The following LARP1B variants were observed in gnomAD, a reference collection of about 807,000 sequenced individuals.
LARP1B encodes the protein la-related protein 1B.
Under a neutral mutation model 114.2 loss-of-function variants are expected in LARP1B, and 76 were observed. That is an observed-to-expected ratio of 0.67 (90% CI 0.55 to 0.81). The LOEUF (loss-of-function observed/expected upper bound fraction) is 0.81. LARP1B is among the 30% of genes least tolerant of loss of function. LARP1B has a pLI of 0.00. For synonymous variants in LARP1B, 345 were observed against 348.0 expected, an observed-to-expected ratio of 0.99 and a Z score of 0.10; for missense variants, 1,014 against 1,075.8, an observed-to-expected ratio of 0.94 and a Z score of 0.80.
At position 128,156,026 on chromosome 4, in the gene LARP1B, C is replaced by T. The variant is rs991298430; in HGVS notation, c.1525-6168C>T. On this transcript the variant is annotated intron_variant, in intron 11 of 19. Transcript: ENST00000326639. ...TCCCCAGGGCCTGTGCTTGAACCTGCGGCACTGCACACCCCCAAGCTCATG... is the reference window on the plus strand; with the variant it reads ...TCCCCAGGGCCTGTGCTTGAACCTGTGGCACTGCACACCCCCAAGCTCATG... The T allele has an allele frequency of 1.2e-4, 196 of 1,569,448 alleles. No individual in the cohort carries two copies. The Admixed American group carries it at 3.3e-3, about 27-fold the overall frequency.
chr4:128,145,452 A>G (rs1729918340), intron 11 of LARP1B, among the ~76,000 whole-genome samples: 1 of 152,156 alleles, frequency 6.6e-6, no homozygotes, highest in South Asian at 2.1e-4. Context: ...GCTTAACCAC[A>G]TAGCAGTCAC....
chr4:128,085,941 T>C (rs954985005), intron 5 of LARP1B, among the ~76,000 whole-genome samples: 1 of 152,124 alleles, frequency 6.6e-6, no homozygotes, highest in African/African-American at 2.4e-5. Context: ...CTTTTTGCTA[T>C]GTGTTAAGTC....
chr4:128,178,652 A>T lies in LARP1B; in HGVS notation c.1896+10A>T, dbSNP rs1390119056. The T allele has an allele frequency of 6.3e-7, 1 of 1,590,664 alleles. No individual in the cohort carries two copies. The highest frequency in any genetic ancestry group is 1.1e-5 in the South Asian group (1 of 90,284). ...AGCCATTGATGTAAAGGTATACAAA[A>T]CAACCAGGAATATAAGGCTTGCATT... is the stretch of plus-strand genomic sequence containing the variant. On this transcript the variant is annotated intron_variant, in intron 14 of 19. Coordinates refer to ENST00000326639, the MANE Select transcript of LARP1B (RefSeq NM_018078.4).
At chr4:128,064,626 C>T (rs1761716251) in intron 1 of LARP1B, among the ~76,000 whole-genome samples, 1 of 152,118 alleles carries the variant, frequency 6.6e-6, no homozygotes, top group Non-Finnish European at 1.5e-5. Context: ...AAAGAAAACC[C>T]TAGTGAATCA....
downstream of LARP1B, among the ~76,000 whole-genome samples, chr4:128,213,590 A>ATT: frequency 6.6e-6 from 1 of 152,364 alleles, no homozygotes; most frequent in South Asian, 2.1e-4. Context: ...AAAGAAAAAC[A>ATT]TTATTGACTA....
At chr4:128,126,861 G>A (rs561984799) in intron 11 of LARP1B, among the ~76,000 whole-genome samples, 147 of 151,014 alleles carry the variant, frequency 9.7e-4, no homozygotes, top group Non-Finnish European at 3.1e-4. Flanking sequence ...ATAGGATAAC[G>A]GAGAAGGTCT....
intron 9 of LARP1B, chr4:128,107,598 A>G (rs1782550060): frequency 1.4e-6 from 2 of 1,380,990 alleles, no homozygotes; most frequent in South Asian, 1.7e-5. Flanking sequence ...CTAAATAACT[A>G]TAGATATGTA....
chr4:128,166,966 CTCTCTATA>C (rs58472604), intron 12 of LARP1B, among the ~76,000 whole-genome samples: 3,480 of 87,558 alleles, frequency 0.04, 55 homozygotes, highest in East Asian at 0.077. Context: ...CTCTCTCTCT[CTCTCTATA>C]TATATATATA....
intron 11 of LARP1B, among the ~76,000 whole-genome samples, chr4:128,132,945 T>G (rs575624963): frequency 2.0e-5 from 3 of 152,006 alleles, no homozygotes; most frequent in Non-Finnish European, 4.4e-5. Flanking sequence ...TGACAGATCA[T>G]CAAGCATTAG....
intron 11 of LARP1B, chr4:128,155,783 T>G (rs1561436177): frequency 6.3e-7 from 1 of 1,597,880 alleles, no homozygotes; most frequent in Non-Finnish European, 8.6e-7. Flanking sequence ...CTGACTGACT[T>G]CCTGCAGGCG....
At chr4:128,214,248 GC>G (rs1249564498), downstream of LARP1B, among the ~76,000 whole-genome samples, 2 of 147,350 alleles carry the variant, frequency 1.4e-5, no homozygotes, top group African/African-American at 5.0e-5. Context: ...CATTGCCCAG[GC>G]TTGCTTAGGT....
chr4:128,155,914 G>A (rs1329792082), intron 11 of LARP1B: 66 of 1,546,336 alleles, frequency 4.3e-5, no homozygotes, highest in Non-Finnish European at 3.1e-5. Flanking sequence ...CAAAATCCCC[G>A]AAGGAGCCAA....
chr4:128,143,336 C>T (rs1233492944), intron 11 of LARP1B, among the ~76,000 whole-genome samples: 1 of 152,126 alleles, frequency 6.6e-6, no homozygotes, highest in African/African-American at 2.4e-5. Context: ...GCCATAATCC[C>T]TTGCACAAGT....
intron 17 of LARP1B, among the ~76,000 whole-genome samples, chr4:128,204,205 T>G (rs1447506076): frequency 6.8e-6 from 1 of 146,988 alleles, no homozygotes; most frequent in African/African-American, 2.4e-5. Flanking sequence ...AAAAACTTAC[T>G]TCTCCAGAAA....
At chr4:128,181,789 T>C (rs1051914622) in intron 15 of LARP1B, among the ~76,000 whole-genome samples, 7 of 149,372 alleles carry the variant, frequency 4.7e-5, no homozygotes, top group Non-Finnish European at 1.0e-4. Context: ...ACTTTATTAT[T>C]ATTATGATGT....
At chr4:128,076,666 T>C (rs1159333005) in intron 3 of LARP1B, among the ~76,000 whole-genome samples, 1 of 152,142 alleles carries the variant, frequency 6.6e-6, no homozygotes, top group Non-Finnish European at 1.5e-5. Context: ...AACTGCTGAG[T>C]TTGCACTTCT....
chr4:128,147,034 T>C (rs1378759320), intron 11 of LARP1B, among the ~76,000 whole-genome samples: 1 of 152,230 alleles, frequency 6.6e-6, no homozygotes, highest in Non-Finnish European at 1.5e-5. Flanking sequence ...GGTTCACTCA[T>C]TCATTCATCT....
chr4:128,089,960 GCAGGGTTTCGC>G (rs1775269487), intron 5 of LARP1B, among the ~76,000 whole-genome samples: 2 of 151,160 alleles, frequency 1.3e-5, no homozygotes, highest in African/African-American at 4.9e-5. Context: ...TTTGGTAGAG[GCAGGGTTTCGC>G]CATGTTTCCC....
At position 128,083,469 on chromosome 4, in the gene LARP1B, G is replaced by A. The variant is rs536893011; in HGVS notation, c.358+1164G>A. Reference sequence around the variant, plus strand: ...GGCTGACCCCCCCCACCTCCCTCCCGGACGGAGAGGCTGGCCAGGCAGAGG... The same window carrying A: ...GGCTGACCCCCCCCACCTCCCTCCCAGACGGAGAGGCTGGCCAGGCAGAGG... On this transcript the variant is annotated intron_variant, in intron 5 of 19. Transcript: ENST00000326639. Among the ~76,000 whole-genome samples the A allele has an allele frequency of 1.4e-4, 21 of 148,330 alleles. No individual in the cohort carries two copies. In the East Asian group the frequency reaches 2.5e-3, roughly 17 times the overall value.
Sources: gnomAD v4.1 joint callset for allele counts (sites outside exome capture counted in the v4.1 genomes callset) on GRCh38, gnomAD v4.1.1 for gene constraint, MANE v1.5 for transcripts, NCBI Gene and HGNC (gene_info 2026-07-23, HGNC 2026-07-21) for gene names.